The following DLG1 variants were observed in gnomAD, a reference collection of about 807,000 sequenced individuals.
The protein encoded by DLG1 is disks large homolog 1.
Under a neutral mutation model 123.4 loss-of-function variants are expected in DLG1, and 42 were observed. The ratio of observed to expected loss-of-function variants is 0.34; its 90% CI spans 0.27 to 0.44. The LOEUF (loss-of-function observed/expected upper bound fraction) is 0.44, where lower values mean the gene tolerates loss of function less well. DLG1 is among the 20% of genes least tolerant of loss of function. The pLI, the probability that DLG1 is intolerant of heterozygous loss-of-function variation, is 1.00. For missense variants in DLG1, 942 were observed against 1,082.6 expected (o/e 0.87, Z 1.82); for synonymous variants, 317 against 356.2 (o/e 0.89, Z 1.24).
intron 4 of DLG1, among the ~76,000 whole-genome samples, chr3:197,275,535 T>G (rs755813860): frequency 6.6e-6 from 1 of 152,140 alleles, no homozygotes; most frequent in Non-Finnish European, 1.5e-5. Context: ...AAATGTAGCA[T>G]ATATAGACAA....
At chr3:197,086,366 A>C (rs920425170) in intron 15 of DLG1, among the ~76,000 whole-genome samples, 5 of 152,232 alleles carry the variant, frequency 3.3e-5, no homozygotes, top group Non-Finnish European at 7.3e-5. Flanking sequence ...AATATTTTAA[A>C]ATTTGATAAA....
At chr3:197,285,605 C>G (rs1771472766) in intron 3 of DLG1, among the ~76,000 whole-genome samples, 1 of 151,120 alleles carries the variant, frequency 6.6e-6, no homozygotes, top group African/African-American at 2.4e-5. Context: ...GCAAAAGATA[C>G]AGACAGACAC....
intron 4 of DLG1, among the ~76,000 whole-genome samples, chr3:197,218,969 A>G (rs1438840887): frequency 1.3e-5 from 2 of 152,102 alleles, no homozygotes; most frequent in Non-Finnish European, 2.9e-5. Flanking sequence ...CGTCTCTAGT[A>G]AAAATACAAA....
intron 4 of DLG1, among the ~76,000 whole-genome samples, chr3:197,200,321 G>A (rs1724970477): frequency 6.6e-6 from 1 of 152,086 alleles, no homozygotes; most frequent in Non-Finnish European, 1.5e-5. Context: ...TATTATTTCA[G>A]TAGTAAATTT....
intron 4 of DLG1, among the ~76,000 whole-genome samples, chr3:197,266,666 G>A (rs1761832245): frequency 6.6e-6 from 1 of 152,066 alleles, no homozygotes; most frequent in Admixed American, 6.6e-5. Flanking sequence ...CAAGCTTCTA[G>A]AGGTAAACTG....
At chr3:197,274,121 A>G (rs1431013694) in intron 4 of DLG1, among the ~76,000 whole-genome samples, 1 of 152,214 alleles carries the variant, frequency 6.6e-6, no homozygotes, top group Non-Finnish European at 1.5e-5. Context: ...ATTCATATAC[A>G]ATCATAAAAC....
At chr3:197,047,505 A>C (rs1425089649) in intron 24 of DLG1, among the ~76,000 whole-genome samples, 1 of 151,756 alleles carries the variant, frequency 6.6e-6, no homozygotes, top group East Asian at 1.9e-4. Flanking sequence ...CAAACAAACA[A>C]GTAACAACAA....
At chr3:197,296,948 T>A in intron 2 of DLG1, 1 of 490,910 alleles carries the variant, frequency 2.0e-6, no homozygotes, top group Middle Eastern at 4.8e-4. Context: ...ATTAAGGACA[T>A]CTGTTGGGGG....
intron 4 of DLG1, among the ~76,000 whole-genome samples, chr3:197,262,148 A>T (rs531955002): frequency 3.9e-5 from 6 of 152,314 alleles, no homozygotes; most frequent in Admixed American, 3.9e-4. Context: ...AGAAAGCCTC[A>T]GGATGAGGCT....
At chr3:197,283,859 G>GTTT (rs36055840) in intron 3 of DLG1, among the ~76,000 whole-genome samples, 18 of 104,876 alleles carry the variant, frequency 1.7e-4, no homozygotes, top group Admixed American at 3.1e-4. Flanking sequence ...CAGTTGGGTT[G>GTTT]TTTTTTTTTT....
At chr3:197,213,498 G>A (rs1052872261) in intron 4 of DLG1, among the ~76,000 whole-genome samples, 1 of 152,182 alleles carries the variant, frequency 6.6e-6, no homozygotes, top group African/African-American at 2.4e-5. Flanking sequence ...ACAGGGGTCT[G>A]CAGCTGTCAA....
chr3:197,160,755 T>C (rs568445555), intron 5 of DLG1, among the ~76,000 whole-genome samples: 2 of 152,266 alleles, frequency 1.3e-5, no homozygotes, highest in African/African-American at 4.8e-5. Context: ...ACAGCTGATA[T>C]ATCATTTTTT....
intron 4 of DLG1, among the ~76,000 whole-genome samples, chr3:197,274,882 A>T (rs1418627141): frequency 4.6e-5 from 7 of 152,158 alleles, no homozygotes; most frequent in African/African-American, 1.2e-4. Context: ...TACTCAGGGA[A>T]ATGGAAATCA....
chr3:197,273,080 T>C (rs957304171), intron 4 of DLG1, among the ~76,000 whole-genome samples: 12 of 152,250 alleles, frequency 7.9e-5, no homozygotes, highest in African/African-American at 2.9e-4. Context: ...TTAATCAACC[T>C]ATTCCTTTAT....
In DLG1 at chr3:197,208,156, TTATC is replaced by T. The variant is rs1425535737; in HGVS notation, c.319-13571_319-13568del. ...AATTCTTACATATACAAAAATATGT[TTATC>T]TACTACTCCCAAGAGGATAAATGTA... On this transcript the variant is annotated intron_variant, in intron 4 of 24. Transcript: ENST00000667157. 4.1e-5 allele frequency among the ~76,000 whole-genome samples: 6 copies of T among 146,486 alleles called. No individual in the cohort carries two copies. In the East Asian group the frequency reaches 7.9e-4, roughly 19 times the overall value.
chr3:197,104,822 T>A, intron 14 of DLG1, 81 bp downstream of exon 14: 1 of 977,172 alleles, frequency 1.0e-6, no homozygotes. Context: ...AGCTTGGAAG[T>A]TAAACATTAT....
chr3:197,092,394 T>C (rs1758230764), intron 14 of DLG1, among the ~76,000 whole-genome samples: 2 of 152,236 alleles, frequency 1.3e-5, no homozygotes, highest in Non-Finnish European at 2.9e-5. Flanking sequence ...AACAGTGAAT[T>C]AGACCACCAA....
chr3:197,288,741 A>ATACATACATACATACAT lies in DLG1; in HGVS notation c.152-5897_152-5896insATGTATGTATGTATGTA, dbSNP rs1213910267. ...TCTCAAAAAAAAAAAAAAAAAAAAA[A>ATACATACATACATACAT]AAATACATACATACATACATACATA... On this transcript the variant is annotated intron_variant, in intron 3 of 24. Transcript: ENST00000667157. 3.3e-3 allele frequency among the ~76,000 whole-genome samples: 209 copies of ATACATACATACATACAT among 63,272 alleles called. 1 individual carries two copies. The highest frequency in any genetic ancestry group is 0.016 in the African/African-American group (197 of 12,694). 41.5% of individuals were successfully genotyped at this position (63,272 alleles called of 152,430 possible). A position where few individuals can be genotyped will look rare whatever the true frequency, so the allele number is the denominator to read the frequency against.
chr3:197,072,024 A>C (rs1396102312), intron 18 of DLG1, among the ~76,000 whole-genome samples: 2 of 152,366 alleles, frequency 1.3e-5, no homozygotes, highest in Admixed American at 1.3e-4. Context: ...CAAACATATA[A>C]GACTGAGACA....
Sources: allele counts gnomAD v4.1 joint callset (sites outside exome capture counted in the v4.1 genomes callset), GRCh38; gene constraint gnomAD v4.1.1; transcripts MANE v1.5; gene names NCBI Gene and HGNC (gene_info 2026-07-23, HGNC 2026-07-21).